Variants in PDE1C observed in about 807,000 individuals in gnomAD.
PDE1C encodes dual specificity calcium/calmodulin-dependent 3',5'-cyclic nucleotide phosphodiesterase 1C.
Under a neutral mutation model 93.1 loss-of-function variants are expected in PDE1C, and 62 were observed. That is an observed-to-expected ratio of 0.67 (90% CI 0.54 to 0.82). The LOEUF (loss-of-function observed/expected upper bound fraction) is 0.82, where lower values mean the gene tolerates loss of function less well. Ranked by LOEUF, PDE1C falls within the 40% of genes least tolerant of loss-of-function variation. The probability of loss-of-function intolerance (pLI) is 0.00; values close to 1 mark genes in which losing one functional copy is unlikely to be tolerated. For missense variants in PDE1C, 742 were observed against 884.6 expected (o/e 0.84, Z 2.04); for synonymous variants, 325 against 310.1 (o/e 1.05, Z -0.50).
chr7:32,293,697 C>G (rs1812471861), intron 1 of PDE1C, among the ~76,000 whole-genome samples: 1 of 152,148 alleles, frequency 6.6e-6, no homozygotes, highest in South Asian at 2.1e-4. Flanking sequence ...GCAGACTCCT[C>G]TTCCCACACC....
chr7:31,619,671 G>A, the PDE1C span, among the ~76,000 whole-genome samples: 4 of 152,110 alleles, frequency 2.6e-5, no homozygotes, highest in African/African-American at 9.7e-5. Flanking sequence ...AGCCCCCAGC[G>A]TGAGCCACGC....
chr7:31,793,892 A>G (rs1256458064), intron 16 of PDE1C, among the ~76,000 whole-genome samples: 2 of 151,916 alleles, frequency 1.3e-5, no homozygotes, highest in African/African-American at 4.8e-5. Flanking sequence ...AATAATATCC[A>G]TGCTACAGCA....
chr7:31,712,253 T>C, the PDE1C span, among the ~76,000 whole-genome samples: 1 of 151,174 alleles, frequency 6.6e-6, no homozygotes, highest in Non-Finnish European at 1.5e-5. Context: ...TACCATGCTG[T>C]AGATGATCAA....
intron 2 of PDE1C, among the ~76,000 whole-genome samples, chr7:32,010,321 G>C (rs1007527258): frequency 6.6e-6 from 1 of 152,300 alleles, no homozygotes; most frequent in Non-Finnish European, 1.5e-5. Context: ...GCAGAATAGA[G>C]GGTCTTGAAA....
the PDE1C span, among the ~76,000 whole-genome samples, chr7:31,636,815 TG>T: frequency 4.6e-5 from 7 of 151,716 alleles, no homozygotes; most frequent in African/African-American, 1.7e-4. Flanking sequence ...GCCATGTTGG[TG>T]TGCTGCACCC....
Position 32,016,226 on chromosome 7 carries a change from C to T in PDE1C, c.128+35328G>A, listed in dbSNP as rs145005203. Among the ~76,000 whole-genome samples, 391 of 152,320 alleles carry T rather than the reference C, an allele frequency of 2.6e-3. 1 individual carries two copies. Among genetic ancestry groups the T allele is most frequent in the African/African-American group, 9.2e-3 (381 of 41,574 alleles). On this transcript the variant is annotated intron_variant, in intron 2 of 17. Coordinates refer to ENST00000396191, the MANE Select transcript of PDE1C (RefSeq NM_001191057.4). ...AACACTGCTGGACCTATAACACTGC[C>T]AGACCTATAACACTGCCGCTTTAAT...
chr7:32,331,074 G>C (rs1448663442), intron 1 of PDE1C, among the ~76,000 whole-genome samples: 1 of 152,202 alleles, frequency 6.6e-6, no homozygotes, highest in Non-Finnish European at 1.5e-5. Context: ...CTGCATCTCA[G>C]ATCAATAAGA....
intron 3 of PDE1C, among the ~76,000 whole-genome samples, chr7:32,095,782 C>T (rs1052482467): frequency 7.2e-5 from 11 of 152,098 alleles, no homozygotes; most frequent in African/African-American, 2.4e-4. Context: ...TATCCTTACG[C>T]GATGTGAATA....
At chr7:31,923,406 C>T (rs1242790295) in intron 2 of PDE1C, among the ~76,000 whole-genome samples, 1 of 152,040 alleles carries the variant, frequency 6.6e-6, no homozygotes, top group African/African-American at 2.4e-5. Flanking sequence ...CCCCAAGACA[C>T]CTGCATTTTT....
At chr7:31,962,698 GAAC>G (rs1809188521) in intron 2 of PDE1C, among the ~76,000 whole-genome samples, 1 of 152,178 alleles carries the variant, frequency 6.6e-6, no homozygotes, top group African/African-American at 2.4e-5. Context: ...AATGGACACA[GAAC>G]ATCACCAAAG....
chr7:32,226,451 T>A (rs756243217), intron 1 of PDE1C, among the ~76,000 whole-genome samples: 19 of 152,252 alleles, frequency 1.2e-4, no homozygotes, highest in Admixed American at 6.5e-5. Flanking sequence ...CCTTTATTCA[T>A]CTTCAGGGTC....
chr7:31,694,658 T>C, the PDE1C span, among the ~76,000 whole-genome samples: 2 of 151,984 alleles, frequency 1.3e-5, no homozygotes, highest in African/African-American at 4.8e-5. Context: ...AGGTAAACCA[T>C]TATGGAAGAG....
intron 2 of PDE1C, among the ~76,000 whole-genome samples, chr7:32,005,555 C>CAAAAAAAAAAAAAA (rs59246166): frequency 1.4e-3 from 71 of 50,734 alleles, no homozygotes; most frequent in Non-Finnish European, 2.2e-3. Context: ...GACTCCATTT[C>CAAAAAAAAAAAAAA]AAAAAAAAAA....
At chr7:31,969,191 A>G (rs1048171395) in intron 2 of PDE1C, among the ~76,000 whole-genome samples, 2 of 152,196 alleles carry the variant, frequency 1.3e-5, no homozygotes, top group Non-Finnish European at 2.9e-5. Context: ...AACTACCATC[A>G]GAGTGAACAG....
intron 2 of PDE1C, among the ~76,000 whole-genome samples, chr7:31,952,625 G>C (rs184540132): frequency 6.6e-6 from 1 of 152,194 alleles, no homozygotes; most frequent in African/African-American, 2.4e-5. Context: ...GTCCTGAATT[G>C]TGCACACTAG....
intron 1 of PDE1C, among the ~76,000 whole-genome samples, chr7:32,275,268 C>T (rs1167463040): frequency 1.3e-5 from 2 of 152,076 alleles, no homozygotes; most frequent in Non-Finnish European, 2.9e-5. Flanking sequence ...AGACCTCGAA[C>T]ACTTTGACAT....
At chr7:32,012,425 C>A (rs551100482) in intron 2 of PDE1C, among the ~76,000 whole-genome samples, 1 of 152,262 alleles carries the variant, frequency 6.6e-6, no homozygotes, top group East Asian at 1.9e-4. Context: ...CATGAGGGAT[C>A]CACCCTCATG....
At chr7:31,642,577 TTA>T in the PDE1C span, 617 of 1,030,038 alleles carry the variant, frequency 6.0e-4, 3 homozygotes, top group African/African-American at 9.4e-3. Context: ...GTTGCAACCC[TTA>T]TCTCCTGACT....
At chr7:31,748,959 G>A (rs144073115), downstream of PDE1C, among the ~76,000 whole-genome samples, 1 of 152,358 alleles carries the variant, frequency 6.6e-6, no homozygotes, top group African/African-American at 2.4e-5. Context: ...GCTTGCTGAT[G>A]TACAAGTGGC....
Sources: gnomAD v4.1 joint callset for allele counts (sites outside exome capture counted in the v4.1 genomes callset) on GRCh38, gnomAD v4.1.1 for gene constraint, MANE v1.5 for transcripts, NCBI Gene and HGNC (gene_info 2026-07-23, HGNC 2026-07-21) for gene names.